LRRC34: variants seen among roughly 807,000 people sequenced by gnomAD.
The protein encoded by LRRC34 is leucine-rich repeat-containing protein 34.
LRRC34 carries 44 observed loss-of-function variants against 48.5 expected under a neutral mutation model. The ratio of observed to expected loss-of-function variants is 0.91; its 90% CI spans 0.71 to 1.17. The LOEUF is 1.17. Among genes scored for constraint, LRRC34 ranks in the 50% most tolerant of loss-of-function variants. The pLI is 0.00. For missense variants in LRRC34, 502 were observed against 563.0 expected (o/e 0.89, Z 1.10); for synonymous variants, 192 against 197.6 (o/e 0.97, Z 0.24).
intron 10 of LRRC34, chr3:169,794,401 T>G (rs1778912527): frequency 6.6e-6 from 1 of 151,856 alleles, no homozygotes; most frequent in Admixed American, 6.6e-5. Context: ...ATTTCTTCAT[T>G]GTAGAATTTT....
rs546021274 is a variant in LRRC34 at position 169,807,675 on chromosome 3, T to A, written c.292A>T (p.Asn98Tyr). ...AAGITLNIAGNNRLVPVERVT... is the reference protein window; with the variant it reads ...AAGITLNIAGYNRLVPVERVT... ...CTTTCTACTGGCACTAAGCGATTGTTACCAGCAATGTTTAATGTGATTCCT... is the reference window on the plus strand; with the variant it reads ...CTTTCTACTGGCACTAAGCGATTGTAACCAGCAATGTTTAATGTGATTCCT... The change falls in exon 3 of 11, where the codon AAC becomes TAC. Residue 98 changes from asparagine (N) to tyrosine (Y), a missense_variant. Coordinates refer to ENST00000446859, the MANE Select transcript of LRRC34 (RefSeq NM_001172779.2). The A allele has an allele frequency of 2.1e-5, 34 of 1,592,582 alleles. No individual in the cohort carries two copies. The African/African-American group carries it at 4.7e-4, about 22-fold the overall frequency.
Position 169,795,591 on chromosome 3 carries a change from T to G in LRRC34, c.1085A>C (p.Asn362Thr). The change falls in exon 10 of 11, where the codon AAC becomes ACC. Residue 362 changes from asparagine to threonine, a missense_variant. Physicochemically the swap from Asn to Thr is moderately conservative, Grantham distance 65 (BLOSUM62 0). Coordinates refer to ENST00000446859, the MANE Select transcript of LRRC34 (RefSeq NM_001172779.2). ...SLKALSVVSNNIEGEGLVALS... is the reference protein window; with the variant it reads ...SLKALSVVSNTIEGEGLVALS... ...TGCAACAAGTCCTTCTCCCTCTATG[T>G]TGTTGCTGACTACTGACAACCTGAA... The G allele has an allele frequency of 6.2e-7, 1 of 1,611,880 alleles. No individual in the cohort carries two copies. The highest frequency in any genetic ancestry group is 2.2e-5 in the East Asian group (1 of 44,734).
Position 169,803,131 on chromosome 3 carries a change from C to T in LRRC34, c.657+922G>A, listed in dbSNP as rs1779253771. On this transcript the variant is annotated intron_variant, in intron 6 of 10. Transcript: ENST00000446859. ...GAAAGCATGTCAGAGAAAGTGAAGC[C>T]TGGAATTTGAAGACATGCAAAAAAA... 2.0e-5 allele frequency among the ~76,000 whole-genome samples: 3 copies of T among 152,146 alleles called. No homozygotes were observed. The South Asian group carries it at 6.2e-4, about 32-fold the overall frequency.
chr3:169,806,614 C>A (rs1347496626), intron 5 of LRRC34, among the ~76,000 whole-genome samples: 1 of 151,728 alleles, frequency 6.6e-6, no homozygotes, highest in Non-Finnish European at 1.5e-5. Context: ...ACTTAAAAAA[C>A]CACTGAAGAC....
In LRRC34 at chr3:169,793,220, T is replaced by TA. The variant is rs1388014602; in HGVS notation, c.*414dup. ...TAACACGTAAATAGGATAGGTAGAA[T>TA]ACTTTTTCAACTTCTGAACTTTGAA... On this transcript the variant is annotated 3_prime_UTR_variant, in exon 11 of 11. Coordinates refer to ENST00000446859, the MANE Select transcript of LRRC34 (RefSeq NM_001172779.2). Among the ~76,000 whole-genome samples, 2 of 152,246 alleles carry TA rather than the reference T, an allele frequency of 1.3e-5. No individual in the cohort carries two copies. The highest frequency in any genetic ancestry group is 4.8e-5 in the African/African-American group (2 of 41,462).
At chr3:169,795,344 T>C (rs114675066) in intron 10 of LRRC34, 141 bp downstream of exon 10, 12,134 of 816,516 alleles carry the variant, frequency 0.015, 133 homozygotes, top group Middle Eastern at 0.025. Context: ...TCTCTAGTAG[T>C]TAATTTTAAG....
intron 1 of LRRC34, among the ~76,000 whole-genome samples, chr3:169,811,338 A>C (rs1779560753): frequency 1.3e-5 from 2 of 152,224 alleles, no homozygotes; most frequent in African/African-American, 2.4e-5. Context: ...AGCTAAACAA[A>C]GTTATGGAAA....
chr3:169,809,616 T>C (rs539168757), intron 1 of LRRC34, among the ~76,000 whole-genome samples: 1 of 152,238 alleles, frequency 6.6e-6, no homozygotes, highest in Non-Finnish European at 1.5e-5. Context: ...GTGGAAGTTA[T>C]GCTGTTACTT....
intron 1 of LRRC34, among the ~76,000 whole-genome samples, chr3:169,810,511 TA>T (rs150224509): frequency 6.6e-6 from 1 of 152,130 alleles, no homozygotes; most frequent in South Asian, 2.1e-4. Context: ...ATGTACGTAT[TA>T]AAAAAAGCTT....
chr3:169,796,712 C>T (rs754835580), intron 8 of LRRC34, 33 bp downstream of exon 8: 22 of 1,579,760 alleles, frequency 1.4e-5, no homozygotes, highest in Admixed American at 3.7e-5. Context: ...CATTATTTAA[C>T]TTTGAATTAT....
intron 7 of LRRC34, among the ~76,000 whole-genome samples, chr3:169,799,062 T>G (rs1779095870): frequency 6.6e-6 from 1 of 152,178 alleles, no homozygotes; most frequent in Non-Finnish European, 1.5e-5. Context: ...TGAGCTGTAT[T>G]TTGCTAGTCT....
At position 169,796,361 on chromosome 3, in the gene LRRC34, A is replaced by G. The variant is rs201312558; in HGVS notation, c.917T>C (p.Ile306Thr). The G allele has an allele frequency of 8.7e-5, 140 of 1,600,938 alleles. No homozygotes were observed. The highest frequency in any genetic ancestry group is 1.2e-4 in the Non-Finnish European group (138 of 1,176,896). Residue 306 changes from isoleucine (I) to threonine (T), a missense_variant, in exon 9 of 11, where the codon ATA (isoleucine) becomes ACA (threonine). By Grantham distance (89) the Ile-to-Thr change is moderately conservative (BLOSUM62 -1). Coordinates refer to ENST00000446859, the MANE Select transcript of LRRC34 (RefSeq NM_001172779.2). ...CAAATACACCATTCCATCATGAGTT[A>G]TTTTGTTGCTGGCAAAGGAAAAATA... ...LRYLDVSCNK[I>T]THDGMVYLAD...
At chr3:169,794,125 A>G in intron 10 of LRRC34, 1 of 234,170 alleles carries the variant, frequency 4.3e-6, no homozygotes, top group Non-Finnish European at 8.3e-6. Flanking sequence ...CTATACTACC[A>G]ATTTTGTGGA....
In LRRC34 at chr3:169,808,665, G is replaced by A. The variant is rs562363460; in HGVS notation, c.220C>T (p.His74Tyr). ...TCTTCATCCACTTCTTGGAGTATAT[G>A]CAATATAAAAGGATTAATTTTCTGG... ...KSQKINPFILHILQEVDEEIK... is the reference protein window; with the variant it reads ...KSQKINPFILYILQEVDEEIK... Residue 74 changes from histidine (H) to tyrosine (Y), a missense_variant, in exon 2 of 11, where the codon CAT becomes TAT. Physicochemically the swap from His to Tyr is moderately conservative, Grantham distance 83. Transcript: ENST00000446859. The A allele has an allele frequency of 7.2e-5, 113 of 1,575,216 alleles. No individual in the cohort carries two copies. The highest frequency in any genetic ancestry group is 1.7e-4 in the Middle Eastern group (1 of 5,988).
chr3:169,806,992 C>CATGTATATACTGTATGTGTAT, intron 4 of LRRC34, 61 bp from the exon 5 acceptor site: 1 of 881,506 alleles, frequency 1.1e-6, no homozygotes, highest in Non-Finnish European at 1.9e-6. Context: ...GTTTTACATA[C>CATGTATATACTGTATGTGTAT]ATGTATATAC....
intron 2 of LRRC34, chr3:169,807,958 T>G (rs1205743522): frequency 1.7e-5 from 7 of 418,360 alleles, no homozygotes; most frequent in African/African-American, 1.0e-4. Flanking sequence ...ACACTCACAC[T>G]CACACAAACA....
intron 7 of LRRC34, among the ~76,000 whole-genome samples, chr3:169,800,149 A>G (rs1779140740): frequency 6.6e-6 from 1 of 152,244 alleles, no homozygotes; most frequent in East Asian, 1.9e-4. Context: ...TGATAGGAGA[A>G]GAAAGCCACC....
chr3:169,810,398 T>G (rs930237835), intron 1 of LRRC34, among the ~76,000 whole-genome samples: 1 of 152,226 alleles, frequency 6.6e-6, no homozygotes, highest in Non-Finnish European at 1.5e-5. Context: ...GATATAACTT[T>G]ATATGCTGTT....
At position 169,793,044 on chromosome 3, in the gene LRRC34, C is replaced by A. The variant is rs1384524248; in HGVS notation, c.*591G>T. Among the ~76,000 whole-genome samples the A allele has an allele frequency of 6.6e-6, 1 of 152,078 alleles. No individual in the cohort carries two copies. The highest frequency in any genetic ancestry group is 2.1e-4 in the South Asian group (1 of 4,834). On this transcript the variant is annotated 3_prime_UTR_variant, in exon 11 of 11. Coordinates refer to ENST00000446859, the MANE Select transcript of LRRC34 (RefSeq NM_001172779.2). Reference sequence around the variant, plus strand: ...CTTCCATTTATATAAAGGTCAAGAACAGGCAAAACTACTCTGTGGGGTTAG... The same window carrying A: ...CTTCCATTTATATAAAGGTCAAGAAAAGGCAAAACTACTCTGTGGGGTTAG...
Sources: allele counts gnomAD v4.1 joint callset (sites outside exome capture counted in the v4.1 genomes callset), GRCh38; gene constraint gnomAD v4.1.1; transcripts MANE v1.5; gene names NCBI Gene and HGNC (gene_info 2026-07-23, HGNC 2026-07-21).